The following PPP1R1C variants were observed in gnomAD, a reference collection of about 807,000 sequenced individuals.
The protein encoded by PPP1R1C is protein phosphatase 1 regulatory subunit 1C.
A neutral mutation model predicts 17.4 loss-of-function variants in PPP1R1C; 15 were observed. The ratio of observed to expected loss-of-function variants is 0.86; its 90% CI spans 0.58 to 1.33. The LOEUF (loss-of-function observed/expected upper bound fraction) is 1.33. Ranked by LOEUF, PPP1R1C falls within the 40% of genes most tolerant of loss-of-function variation. The pLI, the probability that PPP1R1C is intolerant of heterozygous loss-of-function variation, is 0.00. For missense variants in PPP1R1C, 143 were observed against 130.0 expected, an observed-to-expected ratio of 1.10 and a Z score of -0.48; for synonymous variants, 35 against 43.1, an observed-to-expected ratio of 0.81 and a Z score of 0.73.
intron 3 of PPP1R1C, among the ~76,000 whole-genome samples, 159 bp downstream of exon 3, chr2:182,061,638 C>A (rs1210797107): frequency 6.6e-6 from 1 of 152,142 alleles, no homozygotes. Flanking sequence ...ATTAAAATCT[C>A]TGCCTCTCAG....
chr2:181,961,259 GTGGTCTTTGGATGGTTTGCATGGAGT>G lies in PPP1R1C; in HGVS notation n.111+6628_111+6653del, dbSNP rs1182127365. On this transcript the variant is annotated intron_variant and non_coding_transcript_variant, in intron 1 of 5. Coordinates refer to the PPP1R1C transcript ENST00000464264. The surrounding 1 kb of genome is among the most constrained non-coding windows in gnomAD (Gnocchi z 5.8). Reference sequence around the variant, plus strand: ...CTCAGACACCACTTTGCGGCGGGTGGTGGTCTTTGGATGGTTTGCATGGAGTTGCTGTTGTCCAGGGCATCACCAAG... The same window carrying G: ...CTCAGACACCACTTTGCGGCGGGTGGTGCTGTTGTCCAGGGCATCACCAAG... 9 of 776,422 alleles carry G rather than the reference GTGGTCTTTGGATGGTTTGCATGGAGT, an allele frequency of 1.2e-5. No individual in the cohort carries two copies. Among genetic ancestry groups the G allele is most frequent in the South Asian group, 2.8e-5 (2 of 71,752 alleles). The allele number at this position is 776,422 out of a possible 1,614,324, so 48.1% of individuals were successfully genotyped here.
At chr2:182,081,875 A>C (rs1321187249) in intron 4 of PPP1R1C, among the ~76,000 whole-genome samples, 2 of 152,286 alleles carry the variant, frequency 1.3e-5, no homozygotes, top group East Asian at 3.9e-4. Context: ...CCAATTCCGT[A>C]TGTCCACATA....
chr2:182,034,357 T>C (rs1230664225), intron 2 of PPP1R1C, among the ~76,000 whole-genome samples: 1 of 152,064 alleles, frequency 6.6e-6, no homozygotes, highest in African/African-American at 2.4e-5. Context: ...GGCTCAGTCA[T>C]GGAATTAATA....
chr2:182,021,685 C>T (rs116782212), intron 2 of PPP1R1C, among the ~76,000 whole-genome samples: 2,679 of 152,172 alleles, frequency 0.018, 68 homozygotes, highest in African/African-American at 0.061. Context: ...AAGATGATGG[C>T]AATTTCTCTC....
At chr2:181,992,824 C>G (rs1030182353) in intron 2 of PPP1R1C, among the ~76,000 whole-genome samples, 2 of 149,602 alleles carry the variant, frequency 1.3e-5, no homozygotes, top group Admixed American at 1.3e-4. Flanking sequence ...TCACATGCCT[C>G]AGGTTCCCAA....
chr2:182,014,101 C>A (rs1017018877), intron 2 of PPP1R1C, among the ~76,000 whole-genome samples: 5 of 152,156 alleles, frequency 3.3e-5, no homozygotes, highest in African/African-American at 4.8e-5. Flanking sequence ...TGTTCATATT[C>A]TTCGATTTTG....
At chr2:182,118,706 G>A (rs1689653077), downstream of PPP1R1C, among the ~76,000 whole-genome samples, 1 of 151,966 alleles carries the variant, frequency 6.6e-6, no homozygotes, top group South Asian at 2.1e-4. Context: ...TTTTCCCCAA[G>A]AAAATAAGTG....
intron 2 of PPP1R1C, among the ~76,000 whole-genome samples, chr2:182,027,985 T>C (rs1297577718): frequency 7.8e-6 from 1 of 128,974 alleles, no homozygotes; most frequent in African/African-American, 3.0e-5. Context: ...CTAGATTTTC[T>C]AGTTTATTTG....
intron 2 of PPP1R1C, among the ~76,000 whole-genome samples, chr2:181,994,265 A>C (rs1053874447): frequency 6.6e-6 from 1 of 152,102 alleles, no homozygotes; most frequent in Non-Finnish European, 1.5e-5. Flanking sequence ...TTTGTGTTTG[A>C]CCAAAATGAA....
At chr2:182,027,634 T>A (rs1457336868) in intron 2 of PPP1R1C, among the ~76,000 whole-genome samples, 2 of 139,802 alleles carry the variant, frequency 1.4e-5, no homozygotes, top group African/African-American at 2.8e-5. Flanking sequence ...TGAGGATTTT[T>A]GCATCAATGT....
At chr2:182,079,310 C>G (rs187522057) in intron 4 of PPP1R1C, among the ~76,000 whole-genome samples, 2 of 152,264 alleles carry the variant, frequency 1.3e-5, no homozygotes, top group Admixed American at 1.3e-4. Context: ...GTTTTATAAT[C>G]TAATAGCTAG....
chr2:182,048,330 C>T (rs955203174), intron 2 of PPP1R1C, among the ~76,000 whole-genome samples: 3 of 152,052 alleles, frequency 2.0e-5, no homozygotes, highest in Admixed American at 6.5e-5. Context: ...AGGCCTTCAA[C>T]GGAGCCCAGC....
At chr2:182,008,825 C>T (rs1046631882) in intron 2 of PPP1R1C, among the ~76,000 whole-genome samples, 1 of 152,182 alleles carries the variant, frequency 6.6e-6, no homozygotes, top group Non-Finnish European at 1.5e-5. Context: ...CATCATTCTA[C>T]TCTCCATCAC....
rs1685351274 is a variant in PPP1R1C at position 181,987,900 on chromosome 2, G to C, written c.142+1G>C. The C allele has an allele frequency of 9.3e-6, 15 of 1,611,004 alleles. No homozygotes were observed. The highest frequency in any genetic ancestry group is 1.2e-5 in the Non-Finnish European group (14 of 1,177,730). ...ATTCTCAATGAGCATAACCCCCCAG[G>C]TAAAGAAGCATGATGTGTTTCACAC... On this transcript the variant is annotated splice_donor_variant, in intron 2 of 4. Coordinates refer to ENST00000682840, the MANE Select transcript of PPP1R1C (RefSeq NM_001080545.3). LOFTEE classifies it high-confidence loss of function.
intron 2 of PPP1R1C, among the ~76,000 whole-genome samples, chr2:182,023,608 ATAT>A (rs895136923): frequency 6.6e-6 from 1 of 152,058 alleles, no homozygotes; most frequent in African/African-American, 2.4e-5. Flanking sequence ...TTAAGATAAA[ATAT>A]TATTATTAAA....
intron 4 of PPP1R1C, among the ~76,000 whole-genome samples, chr2:182,078,630 A>G (rs1368207848): frequency 6.6e-6 from 1 of 152,232 alleles, no homozygotes. Flanking sequence ...AATAGCAGAA[A>G]GAAGGAGAAC....
chr2:182,056,386 G>A (rs1367755818), intron 2 of PPP1R1C, among the ~76,000 whole-genome samples: 10 of 152,182 alleles, frequency 6.6e-5, no homozygotes, highest in Admixed American at 6.5e-4. Context: ...ATTTTTGACT[G>A]TGGCTCTATC....
chr2:182,100,296 G>A (rs1689059434), intron 4 of PPP1R1C, among the ~76,000 whole-genome samples: 1 of 152,018 alleles, frequency 6.6e-6, no homozygotes, highest in Non-Finnish European at 1.5e-5. Flanking sequence ...TGAATCACGA[G>A]GTCAAGAGAT....
intron 4 of PPP1R1C, among the ~76,000 whole-genome samples, chr2:182,098,738 A>G (rs1366287229): frequency 6.6e-6 from 1 of 152,190 alleles, no homozygotes; most frequent in Non-Finnish European, 1.5e-5. Context: ...GTATGGGAAA[A>G]GTACTTCAGA....
Sources: gnomAD v4.1 joint callset for allele counts (sites outside exome capture counted in the v4.1 genomes callset) on GRCh38, gnomAD v4.1.1 for gene constraint, Gnocchi (gnomAD v3.1) non-coding constraint, MANE v1.5 for transcripts, NCBI Gene and HGNC (gene_info 2026-07-23, HGNC 2026-07-21) for gene names.